The following CSTPP1 variants were observed in gnomAD, a reference collection of about 807,000 sequenced individuals.
CSTPP1 encodes UPF0705 protein C11orf49.
chr11:47,155,183 C>T, the CSTPP1 span: 10 of 1,613,180 alleles, frequency 6.2e-6, no homozygotes, highest in Admixed American at 6.7e-5. Context: ...CAGGATTGTG[C>T]TCATGGACGA....
chr11:47,029,055 A>C, the CSTPP1 span, among the ~76,000 whole-genome samples: 1 of 151,764 alleles, frequency 6.6e-6, no homozygotes, highest in Non-Finnish European at 1.5e-5. Context: ...ATGTTGCCCA[A>C]GCTGATCTCA....
chr11:46,967,017 A>G, the CSTPP1 span, among the ~76,000 whole-genome samples: 2 of 151,956 alleles, frequency 1.3e-5, no homozygotes, highest in Admixed American at 1.3e-4. Flanking sequence ...GGAGAGACAG[A>G]CTCTATGGTG....
chr11:46,936,690 C>T, the CSTPP1 span: 6 of 1,506,424 alleles, frequency 4.0e-6, no homozygotes, highest in Non-Finnish European at 5.3e-6. Context: ...TTGTGTGACA[C>T]CTCCTCCAGC....
chr11:47,038,093 G>T, the CSTPP1 span, among the ~76,000 whole-genome samples: 2 of 74,798 alleles, frequency 2.7e-5, no homozygotes, highest in East Asian at 2.9e-4. Context: ...GCGGCTGGCC[G>T]GGCGGGGGGC....
chr11:47,126,350 C>T, the CSTPP1 span, among the ~76,000 whole-genome samples: 27 of 152,116 alleles, frequency 1.8e-4, no homozygotes, highest in Non-Finnish European at 3.7e-4. Flanking sequence ...TGGCCAGGTG[C>T]GGTAGCTCAC....
chr11:47,143,977 C>A, the CSTPP1 span, among the ~76,000 whole-genome samples: 12 of 152,214 alleles, frequency 7.9e-5, no homozygotes, highest in African/African-American at 2.6e-4. Flanking sequence ...GAACACAGGC[C>A]CCATGGCATT....
chr11:47,164,086 G>T, the CSTPP1 span: 1 of 1,600,746 alleles, frequency 6.2e-7, no homozygotes, highest in Non-Finnish European at 8.5e-7. Context: ...TCCTCTGCGT[G>T]CCACAGGGTG....
chr11:47,158,494 G>A, the CSTPP1 span, among the ~76,000 whole-genome samples: 3 of 152,062 alleles, frequency 2.0e-5, no homozygotes, highest in Non-Finnish European at 4.4e-5. Context: ...TCTCCTAAGA[G>A]AAGAGCCAGT....
the CSTPP1 span, among the ~76,000 whole-genome samples, chr11:47,058,200 C>T: frequency 6.6e-6 from 1 of 152,038 alleles, no homozygotes; most frequent in Non-Finnish European, 1.5e-5. Flanking sequence ...CCAGGTGTGA[C>T]ACCTGTGGTC....
At chr11:47,080,584 A>C in the CSTPP1 span, among the ~76,000 whole-genome samples, 1 of 152,248 alleles carries the variant, frequency 6.6e-6, no homozygotes, top group African/African-American at 2.4e-5. Context: ...AGAGAAGGAA[A>C]AATTACATGA....
At chr11:46,978,612 C>T in the CSTPP1 span, among the ~76,000 whole-genome samples, 2 of 152,190 alleles carry the variant, frequency 1.3e-5, no homozygotes, top group South Asian at 4.1e-4. Flanking sequence ...GCACTTTGGC[C>T]TAGGCCTTTT....
At chr11:47,163,049 C>G in the CSTPP1 span, among the ~76,000 whole-genome samples, 3 of 151,972 alleles carry the variant, frequency 2.0e-5, no homozygotes, top group African/African-American at 7.3e-5. Context: ...GTAGCTTGCA[C>G]CTGTAGTCCC....
chr11:46,950,976 C>G, the CSTPP1 span, among the ~76,000 whole-genome samples: 1 of 152,112 alleles, frequency 6.6e-6, no homozygotes, highest in Non-Finnish European at 1.5e-5. Context: ...TAGAGTAATT[C>G]TCATATGCAG....
At chr11:47,067,914 C>T in the CSTPP1 span, among the ~76,000 whole-genome samples, 1 of 152,046 alleles carries the variant, frequency 6.6e-6, no homozygotes, top group East Asian at 1.9e-4. Context: ...TGAGTATGGC[C>T]GTGTTGTGAC....
chr11:46,941,652 C>T, the CSTPP1 span, among the ~76,000 whole-genome samples: 1 of 152,120 alleles, frequency 6.6e-6, no homozygotes, highest in Non-Finnish European at 1.5e-5. Context: ...CCTATTCACC[C>T]TCAATCTAAT....
the CSTPP1 span, among the ~76,000 whole-genome samples, chr11:47,122,087 AAAAAAT>A: frequency 3.0e-4 from 22 of 73,008 alleles, no homozygotes; most frequent in East Asian, 1.8e-3. Context: ...AAAAAAAAAA[AAAAAAT>A]ATATATATAT....
At chr11:46,940,420 T>C in the CSTPP1 span, among the ~76,000 whole-genome samples, 3 of 152,188 alleles carry the variant, frequency 2.0e-5, no homozygotes, top group East Asian at 1.9e-4. Context: ...GAAGTACTTA[T>C]AGATATTGTC....
chr11:46,948,585 T>C, the CSTPP1 span, among the ~76,000 whole-genome samples: 1 of 150,630 alleles, frequency 6.6e-6, no homozygotes, highest in Non-Finnish European at 1.5e-5. Context: ...GATGGCTACA[T>C]AAAAAAAAAG....
the CSTPP1 span, among the ~76,000 whole-genome samples, chr11:46,948,846 T>C: frequency 6.6e-6 from 1 of 152,186 alleles, no homozygotes; most frequent in African/African-American, 2.4e-5. Context: ...CTTTTTGGAA[T>C]GCGATGCATT....
Sources: allele counts gnomAD v4.1 joint callset (sites outside exome capture counted in the v4.1 genomes callset), GRCh38; gene constraint gnomAD v4.1.1; transcripts MANE v1.5; gene names NCBI Gene and HGNC (gene_info 2026-07-23, HGNC 2026-07-21).